The following PTBP2 variants were observed in gnomAD, a reference collection of about 807,000 sequenced individuals.
PTBP2 encodes polypyrimidine tract-binding protein 2.
In PTBP2, 13 loss-of-function variants were observed where a neutral mutation model predicts 61.4. The ratio of observed to expected loss-of-function variants is 0.21; its 90% CI spans 0.14 to 0.34. The LOEUF (loss-of-function observed/expected upper bound fraction) is 0.34, where lower values mean the gene tolerates loss of function less well. Ranked by LOEUF, PTBP2 falls within the 10% of genes least tolerant of loss-of-function variation. The pLI is 1.00. For synonymous variants in PTBP2, 215 were observed against 218.5 expected (o/e 0.98, Z 0.14); for missense variants, 405 against 642.6 (o/e 0.63, Z 4.00).
chr1:96,730,801 C>T (rs1651291503), intron 2 of PTBP2, among the ~76,000 whole-genome samples: 1 of 152,182 alleles, frequency 6.6e-6, no homozygotes, highest in Non-Finnish European at 1.5e-5. Flanking sequence ...CATAGCTATG[C>T]TATGGCCTGG....
intron 11 of PTBP2, among the ~76,000 whole-genome samples, chr1:96,809,262 A>G (rs1419617052): frequency 3.9e-5 from 6 of 152,206 alleles, no homozygotes; most frequent in Non-Finnish European, 5.9e-5. Flanking sequence ...AAATGATACA[A>G]TACAATTACC....
At chr1:96,787,475 A>G (rs1025287807) in intron 8 of PTBP2, among the ~76,000 whole-genome samples, 13 of 152,154 alleles carry the variant, frequency 8.5e-5, no homozygotes, top group Admixed American at 2.0e-4. Context: ...TCTGCCTCAT[A>G]AGAAAAAGGA....
intron 1 of PTBP2, among the ~76,000 whole-genome samples, chr1:96,722,146 G>A (rs1369575354): frequency 6.6e-6 from 1 of 152,172 alleles, no homozygotes; most frequent in Non-Finnish European, 1.5e-5. Context: ...CGGCTTGGCG[G>A]CGGGGGATGG....
At chr1:96,815,828 C>T (rs1036025217), downstream of PTBP2, 4 of 152,258 alleles carry the variant, frequency 2.6e-5, no homozygotes, top group Middle Eastern at 3.4e-3. Context: ...GCTAGGTGAT[C>T]TGTGTTTTTT....
At chr1:96,776,726 C>A (rs935770945) in intron 5 of PTBP2, among the ~76,000 whole-genome samples, 3 of 151,644 alleles carry the variant, frequency 2.0e-5, no homozygotes, top group African/African-American at 7.2e-5. Flanking sequence ...AGACTGTCAT[C>A]ATAATAACAG....
At chr1:96,767,207 T>A (rs1458354600) in intron 3 of PTBP2, among the ~76,000 whole-genome samples, 1 of 152,156 alleles carries the variant, frequency 6.6e-6, no homozygotes, top group Admixed American at 6.5e-5. Context: ...CTGCTTAATA[T>A]CCACTATCCA....
intron 2 of PTBP2, among the ~76,000 whole-genome samples, chr1:96,727,460 T>C (rs1293950843): frequency 6.6e-6 from 1 of 152,240 alleles, no homozygotes; most frequent in African/African-American, 2.4e-5. Context: ...GTTTAACTTT[T>C]TAAGGAACTG....
intron 2 of PTBP2, among the ~76,000 whole-genome samples, chr1:96,748,872 A>C (rs779291449): frequency 6.6e-6 from 1 of 152,194 alleles, no homozygotes; most frequent in African/African-American, 2.4e-5. Context: ...AGTAGTGCTG[A>C]ATCACTTCTT....
chr1:96,766,480 G>A (rs957408092), intron 3 of PTBP2, among the ~76,000 whole-genome samples: 5 of 152,134 alleles, frequency 3.3e-5, no homozygotes, highest in African/African-American at 1.2e-4. Context: ...TCAGGATCAT[G>A]GGAAGATGCT....
At chr1:96,757,501 T>C (rs753391664) in intron 3 of PTBP2, among the ~76,000 whole-genome samples, 2 of 152,136 alleles carry the variant, frequency 1.3e-5, no homozygotes, top group East Asian at 3.9e-4. Context: ...ATAGCCTGGT[T>C]TTTTAAAACA....
intron 1 of PTBP2, 151 bp downstream of exon 1, chr1:96,722,023 CT>C: frequency 9.6e-7 from 1 of 1,045,612 alleles, no homozygotes; most frequent in South Asian, 1.5e-5. Flanking sequence ...ACACCCCTCC[CT>C]TTGCTTCCCC....
chr1:96,793,185 A>C (rs1660027736), intron 8 of PTBP2, among the ~76,000 whole-genome samples: 1 of 152,126 alleles, frequency 6.6e-6, no homozygotes, highest in African/African-American at 2.4e-5. Flanking sequence ...AAATAGTTGG[A>C]GCATGCCTCT....
At chr1:96,731,720 CTTTT>C (rs1248509517) in intron 2 of PTBP2, among the ~76,000 whole-genome samples, 1 of 151,796 alleles carries the variant, frequency 6.6e-6, no homozygotes, top group African/African-American at 2.4e-5. Context: ...TGATTTTAGA[CTTTT>C]TTTTGTTAGC....
chr1:96,813,481 G>A lies in PTBP2; in HGVS notation c.*76G>A. On this transcript the variant is annotated 3_prime_UTR_variant, in exon 14 of 14. Coordinates refer to ENST00000674951, the MANE Select transcript of PTBP2 (RefSeq NM_021190.4). Reference sequence around the variant, plus strand: ...CTATTTGACTGTTCAGAAAAGTGGGGACCAGAGTTTGATTTTTTTTGTTTT... The same window carrying A: ...CTATTTGACTGTTCAGAAAAGTGGGAACCAGAGTTTGATTTTTTTTGTTTT... The A allele has an allele frequency of 7.6e-7, 1 of 1,312,272 alleles. No individual in the cohort carries two copies. The highest frequency in any genetic ancestry group is 1.0e-6 in the Non-Finnish European group (1 of 994,978). The allele number at this position is 1,312,272 out of a possible 1,614,324, so 81.3% of individuals were successfully genotyped here. A position where few individuals can be genotyped will look rare whatever the true frequency, so the allele number is the denominator to read the frequency against.
In PTBP2 at chr1:96,785,258, T is replaced by C. The variant is rs1659088964; in HGVS notation, c.904+4T>C. On this transcript the variant is annotated splice_donor_region_variant and intron_variant, in intron 8 of 13. Coordinates refer to ENST00000674951, the MANE Select transcript of PTBP2 (RefSeq NM_021190.4). ...GCCAAGGAGACATCCCTCTTAGGTA[T>C]GATTTTTATTGTCTTAACCACTTTT... is the stretch of plus-strand genomic sequence containing the variant. The C allele has an allele frequency of 8.4e-6, 13 of 1,551,848 alleles. No individual in the cohort carries two copies. The highest frequency in any genetic ancestry group is 1.0e-5 in the Non-Finnish European group (12 of 1,155,702).
chr1:96,767,646 G>A (rs1016393797), intron 3 of PTBP2, among the ~76,000 whole-genome samples: 1 of 152,098 alleles, frequency 6.6e-6, no homozygotes, highest in African/African-American at 2.4e-5. Flanking sequence ...ATTGTTGTGT[G>A]TGCCCATTAT....
At chr1:96,787,366 C>T (rs749103444) in intron 8 of PTBP2, among the ~76,000 whole-genome samples, 9 of 152,100 alleles carry the variant, frequency 5.9e-5, no homozygotes, top group East Asian at 1.9e-4. Flanking sequence ...ACATTAAAGG[C>T]GTGTAAATTA....
chr1:96,819,470 CCAT>C (rs1662602915), downstream of PTBP2: 1 of 151,964 alleles, frequency 6.6e-6, no homozygotes, highest in Non-Finnish European at 1.5e-5. Flanking sequence ...CATTAGCTGT[CCAT>C]CACTTAACAC....
chr1:96,735,358 C>T (rs1020818395), intron 2 of PTBP2, among the ~76,000 whole-genome samples: 5 of 152,058 alleles, frequency 3.3e-5, no homozygotes, highest in Non-Finnish European at 7.4e-5. Context: ...GTTTTCTTGT[C>T]AAGAACATAC....
Sources: gnomAD v4.1 joint callset for allele counts (sites outside exome capture counted in the v4.1 genomes callset) on GRCh38, gnomAD v4.1.1 for gene constraint, MANE v1.5 for transcripts, NCBI Gene and HGNC (gene_info 2026-07-23, HGNC 2026-07-21) for gene names.